Variants in EPHB1 observed in about 807,000 individuals in gnomAD.
The protein encoded by EPHB1 is ephrin type-B receptor 1.
Under a neutral mutation model 94.4 loss-of-function variants are expected in EPHB1, and 30 were observed. That is an observed-to-expected ratio of 0.32 (90% CI 0.24 to 0.43). The LOEUF (loss-of-function observed/expected upper bound fraction) is 0.43. Ranked by LOEUF, EPHB1 falls within the 20% of genes least tolerant of loss-of-function variation. The pLI is 1.00. For synonymous variants in EPHB1, 522 were observed against 489.1 expected, an observed-to-expected ratio of 1.07 and a Z score of -0.89; for missense variants, 1,055 against 1,308.3, an observed-to-expected ratio of 0.81 and a Z score of 2.99.
chr3:134,862,873 C>T (rs574285745), intron 1 of EPHB1, among the ~76,000 whole-genome samples: 3 of 152,228 alleles, frequency 2.0e-5, no homozygotes, highest in Admixed American at 6.5e-5. Context: ...AAAGACTGTA[C>T]GTCACACACA....
At chr3:135,082,499 A>G (rs1446307870) in intron 3 of EPHB1, among the ~76,000 whole-genome samples, 1 of 152,236 alleles carries the variant, frequency 6.6e-6, no homozygotes, top group Non-Finnish European at 1.5e-5. Flanking sequence ...TGGTCACCAC[A>G]TAAGTCTTGA....
At chr3:135,000,714 T>C (rs1424795262) in intron 3 of EPHB1, among the ~76,000 whole-genome samples, 1 of 152,214 alleles carries the variant, frequency 6.6e-6, no homozygotes, top group Non-Finnish European at 1.5e-5. Context: ...CCGTCTTGCA[T>C]GGTTCTGTGT....
At chr3:134,807,840 C>G (rs945830320) in intron 1 of EPHB1, among the ~76,000 whole-genome samples, 1 of 152,138 alleles carries the variant, frequency 6.6e-6, no homozygotes, top group African/African-American at 2.4e-5. Flanking sequence ...CAGAACCTAG[C>G]AAGAGCCACA....
In EPHB1 at chr3:135,241,706, C is replaced by T. The variant is rs186939467; in HGVS notation, c.2496+409C>T. Among the ~76,000 whole-genome samples, 42 of 152,348 alleles carry T rather than the reference C, an allele frequency of 2.8e-4. No homozygotes were observed. The Middle Eastern group carries it at 0.01, about 37-fold the overall frequency. Reference sequence around the variant, plus strand: ...TGGACTGGGGGCCAGGGCCTGGGTTCCCATCCTGCTCTGCCTCTGACGGCT... The same window carrying T: ...TGGACTGGGGGCCAGGGCCTGGGTTTCCATCCTGCTCTGCCTCTGACGGCT... On this transcript the variant is annotated intron_variant, in intron 13 of 15. Transcript: ENST00000398015.
At chr3:135,149,144 T>A (rs1299247982) in intron 5 of EPHB1, among the ~76,000 whole-genome samples, 4 of 152,238 alleles carry the variant, frequency 2.6e-5, no homozygotes, top group Non-Finnish European at 5.9e-5. Context: ...CATCAGGTTC[T>A]TTCCAAGTAA....
chr3:134,867,008 C>T (rs4955509), intron 1 of EPHB1, among the ~76,000 whole-genome samples: 1 of 151,948 alleles, frequency 6.6e-6, no homozygotes, highest in Non-Finnish European at 1.5e-5. Context: ...AGCAGCCCAT[C>T]GTGTCACTAG....
intron 2 of EPHB1, among the ~76,000 whole-genome samples, 188 bp downstream of exon 2, chr3:134,926,068 G>A (rs1404920102): frequency 6.6e-6 from 1 of 152,174 alleles, no homozygotes; most frequent in Non-Finnish European, 1.5e-5. Flanking sequence ...TGCCTCGTGT[G>A]CTGATGTAGA....
At chr3:134,975,904 C>G (rs1934172433) in intron 3 of EPHB1, among the ~76,000 whole-genome samples, 1 of 151,682 alleles carries the variant, frequency 6.6e-6, no homozygotes, top group African/African-American at 2.4e-5. Context: ...AACAAACAAA[C>G]AGAATCAAGC....
intron 3 of EPHB1, among the ~76,000 whole-genome samples, chr3:134,991,316 A>G (rs1229013905): frequency 1.3e-5 from 2 of 152,134 alleles, no homozygotes; most frequent in Non-Finnish European, 2.9e-5. Context: ...GTACAGATGC[A>G]TCGGTGTACA....
intron 9 of EPHB1, among the ~76,000 whole-genome samples, chr3:135,179,264 T>G (rs1437815069): frequency 6.6e-6 from 1 of 152,214 alleles, no homozygotes; most frequent in East Asian, 1.9e-4. Context: ...TAGACTTTGC[T>G]CTTTTCTCTA....
chr3:135,214,539 A>G (rs560347436), intron 12 of EPHB1, among the ~76,000 whole-genome samples: 83 of 152,274 alleles, frequency 5.5e-4, no homozygotes, highest in African/African-American at 2.0e-3. Context: ...CCTGTCACTC[A>G]TGTGCGCTCC....
chr3:135,203,985 CT>C (rs1289218411), intron 12 of EPHB1, among the ~76,000 whole-genome samples: 1 of 151,972 alleles, frequency 6.6e-6, no homozygotes, highest in African/African-American at 2.4e-5. Flanking sequence ...CATATGTCTA[CT>C]TTTTTAATTT....
Position 135,010,558 on chromosome 3 carries a change from G to GTT in EPHB1, c.805+58528_805+58529dup, listed in dbSNP as rs58579496. 1.6e-3 allele frequency among the ~76,000 whole-genome samples: 178 copies of GTT among 110,368 alleles called. 3 individuals carry two copies. The South Asian group carries it at 0.019, about 12-fold the overall frequency. 72.4% of individuals were successfully genotyped at this position (110,368 alleles called of 152,430 possible). A position where few individuals can be genotyped will look rare whatever the true frequency, so the allele number is the denominator to read the frequency against. On this transcript the variant is annotated intron_variant, in intron 3 of 15. Transcript: ENST00000398015. ...GCCCTGAGGGTCTGTATTTTTTTCT[G>GTT]TTTTTTTTTTTTTTTTTTTTTTTAC...
intron 1 of EPHB1, among the ~76,000 whole-genome samples, chr3:134,839,620 G>C (rs2036740008): frequency 6.6e-6 from 1 of 152,034 alleles, no homozygotes; most frequent in African/African-American, 2.4e-5. Flanking sequence ...CCCAGACTGA[G>C]TCATGACCTC....
intron 15 of EPHB1, among the ~76,000 whole-genome samples, chr3:135,256,456 T>C (rs1048489362): frequency 6.6e-6 from 1 of 152,172 alleles, no homozygotes; most frequent in Non-Finnish European, 1.5e-5. Context: ...TGTAAAGTAT[T>C]TTATTTCTCC....
chr3:135,131,833 G>A (rs931660774), intron 4 of EPHB1, among the ~76,000 whole-genome samples: 2 of 152,194 alleles, frequency 1.3e-5, no homozygotes, highest in African/African-American at 2.4e-5. Flanking sequence ...GAGAAGGTCT[G>A]TTCAGAGCAG....
At chr3:134,915,728 C>T (rs996793744) in intron 1 of EPHB1, among the ~76,000 whole-genome samples, 18 of 152,058 alleles carry the variant, frequency 1.2e-4, no homozygotes, top group Admixed American at 9.8e-4. Flanking sequence ...TAAGGCGGCG[C>T]GTCCGGAGTT....
At position 134,795,426 on chromosome 3, in the gene EPHB1, C is replaced by T; in HGVS notation, c.-206C>T. On this transcript the variant is annotated 5_prime_UTR_variant, in exon 1 of 16. Transcript: ENST00000398015. ...CCATAAACACACACACACACATGCA[C>T]ACCCACACCCACGCGCGCCCGCACC... 1.8e-6 allele frequency: 1 copy of T among 570,180 alleles called. No individual in the cohort carries two copies. The highest frequency in any genetic ancestry group is 2.1e-5 in the South Asian group (1 of 46,550). The allele number at this position is 570,180 out of a possible 1,614,324, so 35.3% of individuals were successfully genotyped here.
At chr3:134,814,563 A>G (rs2036232789) in intron 1 of EPHB1, among the ~76,000 whole-genome samples, 1 of 152,148 alleles carries the variant, frequency 6.6e-6, no homozygotes, top group Admixed American at 6.5e-5. Flanking sequence ...TGCTGATAGA[A>G]AAGGCAGGGC....
Sources: allele counts gnomAD v4.1 joint callset (sites outside exome capture counted in the v4.1 genomes callset), GRCh38; gene constraint gnomAD v4.1.1; transcripts MANE v1.5; gene names NCBI Gene and HGNC (gene_info 2026-07-23, HGNC 2026-07-21).